Variants in ERBB4 observed in about 807,000 individuals in gnomAD.
ERBB4 encodes the protein receptor tyrosine-protein kinase erbB-4.
In ERBB4, 42 loss-of-function variants were observed where a neutral mutation model predicts 158.0. The ratio of observed to expected loss-of-function variants is 0.27; its 90% confidence interval spans 0.21 to 0.34. The LOEUF (loss-of-function observed/expected upper bound fraction) is 0.34. ERBB4 is among the 10% of genes least tolerant of loss of function. The probability of loss-of-function intolerance (pLI) is 1.00; values close to 1 mark genes in which losing one functional copy is unlikely to be tolerated. For synonymous variants in ERBB4, 583 were observed against 558.7 expected, an observed-to-expected ratio of 1.04 and a Z score of -0.61; for missense variants, 1,333 against 1,624.1, an observed-to-expected ratio of 0.82 and a Z score of 3.08.
At chr2:212,410,535 T>C (rs2091466740) in intron 1 of ERBB4, among the ~76,000 whole-genome samples, 1 of 152,098 alleles carries the variant, frequency 6.6e-6, no homozygotes, top group African/African-American at 2.4e-5. Flanking sequence ...TTTTAAATTA[T>C]GCATAAGGTT....
intron 2 of ERBB4, among the ~76,000 whole-genome samples, chr2:212,023,286 T>C (rs955699602): frequency 6.6e-6 from 1 of 152,138 alleles, no homozygotes; most frequent in Non-Finnish European, 1.5e-5. Flanking sequence ...TAGTTCATTT[T>C]GAAATTTCAT....
rs191134765 is a variant in ERBB4 at position 211,759,206 on chromosome 2, G to A, written c.557-8502C>T. On this transcript the variant is annotated intron_variant, in intron 4 of 27. Coordinates refer to ENST00000342788, the MANE Select transcript of ERBB4 (RefSeq NM_005235.3). ...TGTCTCTAACTTCAAAATCTGTCTA[G>A]TATCCAATCATTTCTCACCACCTGC... Among the ~76,000 whole-genome samples, 475 of 152,132 alleles carry A rather than the reference G, an allele frequency of 3.1e-3. 2 individuals carry two copies. The highest frequency in any genetic ancestry group is 6.7e-3 in the Admixed American group (102 of 15,268).
intron 3 of ERBB4, among the ~76,000 whole-genome samples, chr2:211,813,515 T>C (rs186484142): frequency 6.6e-6 from 1 of 152,332 alleles, no homozygotes; most frequent in Non-Finnish European, 1.5e-5. Flanking sequence ...TTGACTTTTT[T>C]CAAAGAAATT....
At chr2:211,688,375 C>T (rs373720179) in intron 12 of ERBB4, among the ~76,000 whole-genome samples, 1 of 152,132 alleles carries the variant, frequency 6.6e-6, no homozygotes, top group Admixed American at 6.6e-5. Context: ...ACCTGGAGTT[C>T]TTGGGACTCT....
At chr2:211,899,591 A>G (rs1379253672) in intron 3 of ERBB4, among the ~76,000 whole-genome samples, 3 of 152,122 alleles carry the variant, frequency 2.0e-5, no homozygotes, top group Non-Finnish European at 4.4e-5. Flanking sequence ...ACTGTTTTAT[A>G]GTACTTACAT....
chr2:212,196,701 AT>A (rs1368680504), intron 1 of ERBB4, among the ~76,000 whole-genome samples: 3 of 152,176 alleles, frequency 2.0e-5, no homozygotes, highest in Non-Finnish European at 4.4e-5. Flanking sequence ...ATTTCCATCA[AT>A]TTAAGCGATT....
intron 1 of ERBB4, among the ~76,000 whole-genome samples, chr2:212,314,096 T>C (rs532289207): frequency 7.1e-4 from 107 of 151,266 alleles, no homozygotes; most frequent in African/African-American, 2.4e-3. Flanking sequence ...TGGCTAAATT[T>C]ATCTTTCCCT....
chr2:211,789,100 T>C (rs952856917), intron 3 of ERBB4, among the ~76,000 whole-genome samples: 1 of 152,106 alleles, frequency 6.6e-6, no homozygotes, highest in Non-Finnish European at 1.5e-5. Context: ...CCTCTGAAAA[T>C]ATTATTCTTA....
chr2:211,878,680 G>A (rs2078581628), intron 3 of ERBB4, among the ~76,000 whole-genome samples: 1 of 116,542 alleles, frequency 8.6e-6, no homozygotes, highest in Non-Finnish European at 1.7e-5. Context: ...TCCTTGAGAT[G>A]GAGTTTCCCT....
At chr2:211,504,943 T>C (rs930538974) in intron 20 of ERBB4, among the ~76,000 whole-genome samples, 2 of 152,100 alleles carry the variant, frequency 1.3e-5, no homozygotes, top group Non-Finnish European at 2.9e-5. Context: ...TTGAGAAATA[T>C]AGCATATGAA....
chr2:211,652,043 A>T (rs187541614), intron 16 of ERBB4, among the ~76,000 whole-genome samples: 28 of 152,324 alleles, frequency 1.8e-4, no homozygotes, highest in African/African-American at 6.5e-4. Context: ...GGGTCTCTAG[A>T]AGCTTTGGTA....
At chr2:211,944,204 A>AT (rs2080608463) in intron 3 of ERBB4, among the ~76,000 whole-genome samples, 1 of 28,158 alleles carries the variant, frequency 3.6e-5, no homozygotes, top group African/African-American at 7.7e-5. Flanking sequence ...TATATACTAT[A>AT]TATATATATA....
At chr2:212,286,594 CTTTTTTTTTTTTTTT>C (rs71054190) in intron 1 of ERBB4, among the ~76,000 whole-genome samples, 1 of 55,540 alleles carries the variant, frequency 1.8e-5, no homozygotes, top group Admixed American at 2.4e-4. Flanking sequence ...TAAGTGCTGA[CTTTTTTTTTTTTTTT>C]TTTTTTTTTT....
At chr2:212,124,442 C>T (rs910329226) in intron 2 of ERBB4, 1 of 366,250 alleles carries the variant, frequency 2.7e-6, no homozygotes, top group African/African-American at 2.1e-5. Flanking sequence ...CTGATTGGTC[C>T]TCTGACTCTC....
intron 18 of ERBB4, among the ~76,000 whole-genome samples, chr2:211,622,582 T>C (rs1450405910): frequency 6.6e-6 from 1 of 152,060 alleles, no homozygotes; most frequent in South Asian, 2.1e-4. Context: ...TAGAAAAAAA[T>C]GAATATTTCA....
intron 20 of ERBB4, among the ~76,000 whole-genome samples, chr2:211,482,298 T>C (rs2065103639): frequency 6.6e-6 from 1 of 152,186 alleles, no homozygotes; most frequent in Non-Finnish European, 1.5e-5. Flanking sequence ...ATAATCTCTG[T>C]TCCCAATAGC....
At chr2:211,520,748 A>G (rs2066164502) in intron 20 of ERBB4, among the ~76,000 whole-genome samples, 1 of 152,090 alleles carries the variant, frequency 6.6e-6, no homozygotes, top group African/African-American at 2.4e-5. Flanking sequence ...TGCATTGAAC[A>G]AGTTTATTTT....
At chr2:211,391,202 T>C (rs1429683882) in intron 25 of ERBB4, among the ~76,000 whole-genome samples, 1 of 152,140 alleles carries the variant, frequency 6.6e-6, no homozygotes, top group African/African-American at 2.4e-5. Context: ...TCTCCCTCAA[T>C]TCCCCACACT....
chr2:211,941,784 C>T (rs1353790631), intron 3 of ERBB4, among the ~76,000 whole-genome samples: 4 of 148,224 alleles, frequency 2.7e-5, no homozygotes, highest in South Asian at 2.1e-4. Flanking sequence ...GGAATCTATC[C>T]GAATACGCAG....
Sources: allele counts gnomAD v4.1 joint callset (sites outside exome capture counted in the v4.1 genomes callset), GRCh38; gene constraint gnomAD v4.1.1; transcripts MANE v1.5; gene names NCBI Gene and HGNC (gene_info 2026-07-23, HGNC 2026-07-21).